Variants in RPS6KA2 observed in about 807,000 individuals in gnomAD.
RPS6KA2 encodes the protein ribosomal protein S6 kinase A2.
A neutral mutation model predicts 91.8 loss-of-function variants in RPS6KA2; 42 were observed. The observed-to-expected ratio is 0.46, with a 90% CI of 0.36 to 0.59. The LOEUF is 0.59. Ranked by LOEUF, RPS6KA2 falls within the 20% of genes least tolerant of loss-of-function variation. The pLI is 0.00. For missense variants in RPS6KA2, 798 were observed against 978.5 expected, an observed-to-expected ratio of 0.82 and a Z score of 2.46; for synonymous variants, 414 against 393.6, an observed-to-expected ratio of 1.05 and a Z score of -0.61.
intron 2 of RPS6KA2, among the ~76,000 whole-genome samples, chr6:166,795,396 A>G (rs1296230768): frequency 6.6e-6 from 1 of 152,238 alleles, no homozygotes; most frequent in African/African-American, 2.4e-5. Context: ...CACTCAAAAA[A>G]CTGACAAGAC....
At chr6:166,687,968 G>A (rs983660642) in intron 2 of RPS6KA2, among the ~76,000 whole-genome samples, 1 of 152,134 alleles carries the variant, frequency 6.6e-6, no homozygotes, top group Non-Finnish European at 1.5e-5. Flanking sequence ...TTCACAGGAC[G>A]GGGGAGCCTG....
chr6:166,789,238 C>T (rs953603688), intron 2 of RPS6KA2, among the ~76,000 whole-genome samples: 9 of 152,226 alleles, frequency 5.9e-5, no homozygotes, highest in African/African-American at 2.2e-4. Context: ...GAGGGTCCTA[C>T]GCCCACGGAG....
At chr6:166,522,617 C>T in intron 3 of RPS6KA2, among the ~76,000 whole-genome samples, 1 of 152,212 alleles carries the variant, frequency 6.6e-6, no homozygotes, top group Non-Finnish European at 1.5e-5. Context: ...GCGGCCATTG[C>T]CTGAGACTTC....
At chr6:166,488,032 C>T (rs1781466415) in intron 10 of RPS6KA2, among the ~76,000 whole-genome samples, 1 of 152,074 alleles carries the variant, frequency 6.6e-6, no homozygotes, top group East Asian at 1.9e-4. Flanking sequence ...TGAAGTATTT[C>T]CTGATTTAAC....
At position 166,557,276 on chromosome 6, in the gene RPS6KA2, C is replaced by T. The variant is rs531017034; in HGVS notation, c.100-18492G>A. On this transcript the variant is annotated intron_variant, in intron 1 of 20. Coordinates refer to ENST00000265678, the MANE Select transcript of RPS6KA2 (RefSeq NM_021135.6). This position sits in a 1 kb window ranked among gnomAD's most constrained non-coding sequence, Gnocchi z 4.8. ...CTCCTGCCGGGGTGAGGACCGTGGGCGCGGAGCATGCTTCCCAAGAACAGC... is the reference window on the plus strand; with the variant it reads ...CTCCTGCCGGGGTGAGGACCGTGGGTGCGGAGCATGCTTCCCAAGAACAGC... 3.3e-5 allele frequency among the ~76,000 whole-genome samples: 5 copies of T among 152,316 alleles called. No homozygotes were observed. The highest frequency in any genetic ancestry group is 2.1e-4 in the South Asian group (1 of 4,820).
In RPS6KA2 at chr6:166,615,029, T is replaced by C. The variant is rs548365189; in HGVS notation, c.99+11892A>G. Among the ~76,000 whole-genome samples the C allele has an allele frequency of 2.7e-3, 409 of 151,032 alleles. 3 individuals carry two copies. Among genetic ancestry groups the C allele is most frequent in the African/African-American group, 9.6e-3 (395 of 41,096 alleles). Reference sequence around the variant, plus strand: ...CCACACCCACCAAGAACACCAGGGGTCTACACCTGAGCACCTGCGTCAGGG... The same window carrying C: ...CCACACCCACCAAGAACACCAGGGGCCTACACCTGAGCACCTGCGTCAGGG... On this transcript the variant is annotated intron_variant, in intron 1 of 20. Transcript: ENST00000265678.
chr6:166,689,042 A>C (rs1789111694), intron 2 of RPS6KA2, among the ~76,000 whole-genome samples: 1 of 152,260 alleles, frequency 6.6e-6, no homozygotes, highest in Non-Finnish European at 1.5e-5. Context: ...CTCCCTGAGT[A>C]CAAGGGGAAC....
intron 2 of RPS6KA2, among the ~76,000 whole-genome samples, chr6:166,712,541 T>C (rs773726828): frequency 1.1e-4 from 16 of 152,156 alleles, no homozygotes; most frequent in Admixed American, 1.0e-3. Context: ...TATAACTCAG[T>C]ATCTGGGCCA....
At chr6:166,839,454 G>A (rs1780402809) in intron 2 of RPS6KA2, among the ~76,000 whole-genome samples, 1 of 151,664 alleles carries the variant, frequency 6.6e-6, no homozygotes. Context: ...TACTATTGAT[G>A]TAGCAACTTT....
At chr6:166,818,959 T>C (rs1254628582) in intron 2 of RPS6KA2, among the ~76,000 whole-genome samples, 1 of 152,002 alleles carries the variant, frequency 6.6e-6, no homozygotes, top group African/African-American at 2.4e-5. Flanking sequence ...GCTCCCTTCA[T>C]CGGGGAGTGT....
intron 1 of RPS6KA2, among the ~76,000 whole-genome samples, chr6:166,544,223 G>A (rs989916841): frequency 6.6e-6 from 1 of 152,250 alleles, no homozygotes. Context: ...CTAGCCACAT[G>A]TAGTCTACCA....
chr6:166,594,800 C>T (rs1296030870), intron 1 of RPS6KA2, among the ~76,000 whole-genome samples: 10 of 152,224 alleles, frequency 6.6e-5, no homozygotes, highest in African/African-American at 2.4e-4. Context: ...CCTAAACTAT[C>T]ACTTTCATAG....
chr6:166,517,789 T>G (rs1325419142), intron 3 of RPS6KA2, among the ~76,000 whole-genome samples: 1 of 152,122 alleles, frequency 6.6e-6, no homozygotes, highest in Non-Finnish European at 1.5e-5. Context: ...TAAGGCATTC[T>G]TAAACCACAA....
chr6:166,504,882 C>CCTCTCTGTG (rs1782143194), intron 5 of RPS6KA2, among the ~76,000 whole-genome samples: 1 of 152,162 alleles, frequency 6.6e-6, no homozygotes, highest in Admixed American at 6.5e-5. Flanking sequence ...TTCAGCCTCT[C>CCTCTCTGTG]CTCTCTGTGT....
At chr6:166,754,114 A>C (rs1480422914) in intron 2 of RPS6KA2, among the ~76,000 whole-genome samples, 1 of 152,196 alleles carries the variant, frequency 6.6e-6, no homozygotes, top group East Asian at 1.9e-4. Context: ...AGTGCCTGGA[A>C]CGGTTTCTCA....
intron 13 of RPS6KA2, among the ~76,000 whole-genome samples, chr6:166,449,980 C>G (rs1562501076): frequency 6.6e-6 from 1 of 150,568 alleles, no homozygotes; most frequent in East Asian, 2.0e-4. Flanking sequence ...GAGACCACCA[C>G]AGGGACCGCC....
intron 1 of RPS6KA2, among the ~76,000 whole-genome samples, chr6:166,541,123 C>T (rs955694622): frequency 4.6e-5 from 7 of 152,228 alleles, no homozygotes; most frequent in African/African-American, 1.7e-4. Flanking sequence ...CATCATGCAG[C>T]TGTGTTAATG....
chr6:166,569,050 T>A (rs1361098777), intron 1 of RPS6KA2, among the ~76,000 whole-genome samples: 1 of 152,234 alleles, frequency 6.6e-6, no homozygotes, highest in Non-Finnish European at 1.5e-5. Context: ...ATTCTGGATT[T>A]AATAACAAAG....
intron 1 of RPS6KA2, among the ~76,000 whole-genome samples, chr6:166,607,161 C>G (rs1268707668): frequency 1.7e-5 from 2 of 119,862 alleles, no homozygotes; most frequent in African/African-American, 3.2e-5. Flanking sequence ...AAAAAAAAAG[C>G]TCCATCTATC....
Sources: allele counts gnomAD v4.1 joint callset (sites outside exome capture counted in the v4.1 genomes callset), GRCh38; gene constraint gnomAD v4.1.1; non-coding constraint Gnocchi (gnomAD v3.1); transcripts MANE v1.5; gene names NCBI Gene and HGNC (gene_info 2026-07-23, HGNC 2026-07-21).